Variants in SNHG17 observed in about 807,000 individuals in gnomAD.
SNHG17 encodes small nucleolar RNA host gene 17 (non-protein coding).
intron 2 of SNHG17, chr20:38,432,249 G>A (rs117246455): frequency 1.3e-6 from 1 of 785,348 alleles, no homozygotes; most frequent in East Asian, 1.3e-4. Flanking sequence ...TTCATCTAGA[G>A]AAGAACCAGT....
intron 3 of SNHG17, chr20:38,427,487 A>G (rs761434435): frequency 2.0e-6 from 1 of 489,482 alleles, no homozygotes; most frequent in Non-Finnish European, 4.1e-6. Flanking sequence ...GGATGGTGCC[A>G]GGGCCTGTGG....
chr20:38,428,521 C>T (rs1159404137), intron 3 of SNHG17: 1 of 152,242 alleles, frequency 6.6e-6, no homozygotes, highest in Non-Finnish European at 1.5e-5. Context: ...TACAGTGTTG[C>T]ATAGATGCTG....
intron 6 of SNHG17, chr20:38,421,422 G>A (rs2084154851): frequency 6.6e-6 from 1 of 152,212 alleles, no homozygotes; most frequent in Non-Finnish European, 1.5e-5. Flanking sequence ...CACATTTCAT[G>A]AAGCAAAGCC....
At chr20:38,424,327 G>A (rs966965079) in intron 5 of SNHG17, among the ~76,000 whole-genome samples, 62 of 152,074 alleles carry the variant, frequency 4.1e-4, no homozygotes, top group Middle Eastern at 3.2e-3. Flanking sequence ...TGTAAGAGCT[G>A]CATTCATACA....
intron 3 of SNHG17, among the ~76,000 whole-genome samples, chr20:38,430,387 TG>T (rs2084322552): frequency 6.6e-6 from 1 of 151,906 alleles, no homozygotes; most frequent in Admixed American, 6.6e-5. Context: ...CACAGCACTT[TG>T]GGAGGCCAAG....
At chr20:38,424,169 C>CAA (rs397955763) in intron 5 of SNHG17, among the ~76,000 whole-genome samples, 4 of 111,080 alleles carry the variant, frequency 3.6e-5, no homozygotes, top group African/African-American at 1.0e-4. Flanking sequence ...GACTGGGTCT[C>CAA]AAAAAAAAAA....
In SNHG17 at chr20:38,434,173, T is replaced by G. The variant is rs148627233; in HGVS notation, n.308+331A>C. ...CAGGAAAACAGACTTCTGGTAAAAATGCCTCGGCTGTACATTCAGCCCACC... is the reference window on the plus strand; with the variant it reads ...CAGGAAAACAGACTTCTGGTAAAAAGGCCTCGGCTGTACATTCAGCCCACC... On this transcript the variant is annotated intron_variant and non_coding_transcript_variant, in intron 2 of 8. Transcript: ENST00000654008. 2.9e-3 allele frequency among the ~76,000 whole-genome samples: 436 copies of G among 152,254 alleles called. 2 individuals carry two copies. Among genetic ancestry groups the G allele is most frequent in the African/African-American group, 0.01 (417 of 41,548 alleles).
intron 5 of SNHG17, among the ~76,000 whole-genome samples, chr20:38,424,184 TAAAAAAAA>T (rs11350648): frequency 8.9e-5 from 13 of 145,562 alleles, no homozygotes. Context: ...AAAAAAAAAT[TAAAAAAAA>T]AAGAAAAAAA....
chr20:38,429,560 CT>C, intron 3 of SNHG17: 1 of 356,456 alleles, frequency 2.8e-6, no homozygotes, highest in Non-Finnish European at 5.4e-6. Flanking sequence ...ACCCCACACC[CT>C]TCCCTCATGT....
At chr20:38,431,237 T>G (rs760135835) in intron 2 of SNHG17, 8 of 152,264 alleles carry the variant, frequency 5.3e-5, no homozygotes, top group Non-Finnish European at 1.0e-4. Context: ...GAGGTGAATG[T>G]ACTGACAGCT....
intron 3 of SNHG17, among the ~76,000 whole-genome samples, chr20:38,426,974 A>G (rs1481591906): frequency 7.0e-6 from 1 of 142,382 alleles, no homozygotes; most frequent in African/African-American, 2.7e-5. Flanking sequence ...ATGCTACCCT[A>G]TCCTGTCCCC....
chr20:38,434,648 G>A (rs2084400935), intron 1 of SNHG17: 2 of 181,370 alleles, frequency 1.1e-5, no homozygotes, highest in South Asian at 3.7e-4. Flanking sequence ...AAAAGCACGG[G>A]GAGGGGGCTT....
intron 2 of SNHG17, chr20:38,432,011 T>C (rs2084348748): frequency 3.0e-6 from 3 of 985,338 alleles, no homozygotes; most frequent in African/African-American, 1.7e-5. Context: ...AACACCATGG[T>C]CCACCTGCTT....
At chr20:38,433,259 A>G (rs2084368003) in intron 2 of SNHG17, among the ~76,000 whole-genome samples, 1 of 152,190 alleles carries the variant, frequency 6.6e-6, no homozygotes, top group Admixed American at 6.5e-5. Flanking sequence ...TACAGGTGTG[A>G]GCCATTGCAC....
chr20:38,432,225 AGCAACAC>A, intron 2 of SNHG17: 1 of 921,544 alleles, frequency 1.1e-6, no homozygotes, highest in Non-Finnish European at 1.3e-6. Flanking sequence ...CTACGGTCTC[AGCAACAC>A]GAAGAGTTCA....
At chr20:38,425,081 T>C (rs2084223883) in intron 5 of SNHG17, 1 of 384,530 alleles carries the variant, frequency 2.6e-6, no homozygotes, top group South Asian at 2.0e-5. Context: ...TTTCCTTCAC[T>C]GGCTCCAGGT....
At chr20:38,429,176 C>T (rs991657614) in intron 3 of SNHG17, 2 of 153,302 alleles carry the variant, frequency 1.3e-5, no homozygotes, top group Non-Finnish European at 2.9e-5. Flanking sequence ...TCAAGAGAGC[C>T]TCCTGCCTCA....
intron 1 of SNHG17, chr20:38,435,135 G>A: frequency 8.1e-7 from 1 of 1,232,276 alleles, no homozygotes; most frequent in Non-Finnish European, 1.0e-6. Flanking sequence ...CGCCTTCCCC[G>A]GGGCCTCAGT....
chr20:38,424,797 T>C (rs969433653), intron 5 of SNHG17, among the ~76,000 whole-genome samples: 1 of 152,066 alleles, frequency 6.6e-6, no homozygotes, highest in Admixed American at 6.6e-5. Flanking sequence ...CTCAGAGACA[T>C]AAACTCAGTG....
Sources: gnomAD v4.1 joint callset for allele counts (sites outside exome capture counted in the v4.1 genomes callset) on GRCh38, gnomAD v4.1.1 for gene constraint, MANE v1.5 for transcripts, NCBI Gene and HGNC (gene_info 2026-07-23, HGNC 2026-07-21) for gene names.